Variants in TRIM55 observed in about 807,000 individuals in gnomAD.
TRIM55 encodes the protein tripartite motif-containing protein 55.
A neutral mutation model predicts 60.9 loss-of-function variants in TRIM55; 50 were observed. That is an observed-to-expected ratio of 0.82 (90% CI 0.65 to 1.04). The LOEUF is 1.04. Ranked by LOEUF, TRIM55 falls within the 50% of genes least tolerant of loss-of-function variation. The pLI is 0.00. For missense variants in TRIM55, 681 were observed against 666.9 expected, an observed-to-expected ratio of 1.02 and a Z score of -0.23; for synonymous variants, 237 against 238.1, an observed-to-expected ratio of 1.00 and a Z score of 0.04.
chr8:66,135,188 C>G (rs1396181276), intron 3 of TRIM55, 33 bp downstream of exon 3: 2 of 1,612,332 alleles, frequency 1.2e-6, no homozygotes, highest in Non-Finnish European at 1.7e-6. Context: ...CCCGCAACCC[C>G]TCCCCATCCC....
chr8:66,128,214 G>T (rs773909283), intron 1 of TRIM55, 90 bp from the exon 2 acceptor site: 1 of 1,243,856 alleles, frequency 8.0e-7, no homozygotes, highest in Non-Finnish European at 1.1e-6. Context: ...AGAAGTTCAT[G>T]TTGTTTGTAG....
At chr8:66,115,098 C>T in the TRIM55 span, 1 of 154,736 alleles carries the variant, frequency 6.5e-6, no homozygotes, top group East Asian at 1.9e-4. Context: ...TTGAAGCCAC[C>T]GCGCAGTTCT....
intron 7 of TRIM55, among the ~76,000 whole-genome samples, chr8:66,152,097 C>T (rs1025748924): frequency 6.6e-6 from 1 of 152,024 alleles, no homozygotes; most frequent in African/African-American, 2.4e-5. Context: ...AAAATGTGGA[C>T]GGGCTCTGGA....
At chr8:66,117,447 A>AT in the TRIM55 span, among the ~76,000 whole-genome samples, 3 of 152,176 alleles carry the variant, frequency 2.0e-5, no homozygotes, top group Admixed American at 6.5e-5. Context: ...TTATTTTTAG[A>AT]TTTTTTAAAT....
chr8:66,114,866 A>C, the TRIM55 span: 1 of 313,558 alleles, frequency 3.2e-6, no homozygotes, highest in Admixed American at 4.1e-5. Flanking sequence ...AACTGTGGAG[A>C]ATTAACTAGA....
At position 66,152,567 on chromosome 8, in the gene TRIM55, A is replaced by C. The variant is rs755230379; in HGVS notation, c.1176A>C (p.Pro392=). The change falls in exon 8 of 10, where the codon CCA becomes CCC. Residue 392 remains proline, a synonymous_variant. Coordinates refer to ENST00000315962, the MANE Select transcript of TRIM55 (RefSeq NM_184085.2). ...TGCAGGCTGCCCCTGGGGCACTTCC[A>C]GTTTCCTCTCCAGAGCCACCTCCAG... ...VELQAAPGAL[P]VSSPEPPPAL... 6 of 1,614,152 alleles carry C rather than the reference A, an allele frequency of 3.7e-6. No individual in the cohort carries two copies. The highest frequency in any genetic ancestry group is 5.1e-6 in the Non-Finnish European group (6 of 1,180,036).
At chr8:66,142,488 T>G (rs988595495) in intron 4 of TRIM55, among the ~76,000 whole-genome samples, 1 of 152,234 alleles carries the variant, frequency 6.6e-6, no homozygotes, top group Non-Finnish European at 1.5e-5. Flanking sequence ...GTCTGACAAG[T>G]GGCTTTCACT....
chr8:66,158,143 A>C (rs1354317449), intron 9 of TRIM55, among the ~76,000 whole-genome samples: 2 of 5,384 alleles, frequency 3.7e-4, no homozygotes, highest in East Asian at 7.4e-3. Flanking sequence ...TCTCCCCACC[A>C]CACACACACA....
At chr8:66,123,584 T>C (rs1243574437), upstream of TRIM55, among the ~76,000 whole-genome samples, 1 of 152,086 alleles carries the variant, frequency 6.6e-6, no homozygotes, top group African/African-American at 2.4e-5. Context: ...GAAAGGAAGA[T>C]AGAGATCAGC....
chr8:66,133,922 C>T (rs1809323005), intron 2 of TRIM55, among the ~76,000 whole-genome samples: 2 of 152,102 alleles, frequency 1.3e-5, no homozygotes, highest in African/African-American at 4.8e-5. Flanking sequence ...TATGTATATA[C>T]ACACATACAC....
chr8:66,168,543 G>A (rs1006275334), intron 9 of TRIM55, among the ~76,000 whole-genome samples: 2 of 152,210 alleles, frequency 1.3e-5, no homozygotes, highest in Non-Finnish European at 1.5e-5. Flanking sequence ...ATACTGGGTG[G>A]TTGCCCACTC....
intron 9 of TRIM55, among the ~76,000 whole-genome samples, chr8:66,160,493 A>C (rs537101949): frequency 6.6e-6 from 1 of 152,148 alleles, no homozygotes; most frequent in East Asian, 1.9e-4. Context: ...TGCAAGTGCA[A>C]GTATCTTTTT....
chr8:66,161,171 G>A (rs1332294990), intron 9 of TRIM55, among the ~76,000 whole-genome samples: 1 of 151,756 alleles, frequency 6.6e-6, no homozygotes, highest in Non-Finnish European at 1.5e-5. Flanking sequence ...ATTTAAGATG[G>A]ATTTAAGATC....
At chr8:66,139,612 C>T (rs1586190558) in intron 4 of TRIM55, among the ~76,000 whole-genome samples, 2 of 152,126 alleles carry the variant, frequency 1.3e-5, no homozygotes, top group South Asian at 4.1e-4. Context: ...ATCATTACCC[C>T]CATTCTTATT....
At chr8:66,167,213 T>C (rs1346071663) in intron 9 of TRIM55, among the ~76,000 whole-genome samples, 1 of 152,184 alleles carries the variant, frequency 6.6e-6, no homozygotes, top group East Asian at 1.9e-4. Context: ...TCCTCAAACT[T>C]CCTGAGTCTG....
At chr8:66,128,559 A>C in intron 2 of TRIM55, 83 bp downstream of exon 2, 1 of 1,410,616 alleles carries the variant, frequency 7.1e-7, no homozygotes, top group Non-Finnish European at 9.7e-7. Context: ...GCTACGCTGA[A>C]TGCTTGTTTA....
the TRIM55 span, among the ~76,000 whole-genome samples, chr8:66,119,759 A>G: frequency 2.6e-5 from 4 of 152,264 alleles, no homozygotes; most frequent in South Asian, 6.2e-4. Context: ...ATATTTTTTT[A>G]TATCTCATGT....
At chr8:66,163,574 G>T (rs1020308582) in intron 9 of TRIM55, among the ~76,000 whole-genome samples, 2 of 152,168 alleles carry the variant, frequency 1.3e-5, no homozygotes. Context: ...GATATTTGAA[G>T]ATTTTCAGAT....
At chr8:66,113,435 G>A in the TRIM55 span, 7 of 448,098 alleles carry the variant, frequency 1.6e-5, no homozygotes, top group African/African-American at 6.0e-5. Flanking sequence ...TCCTTAGGTC[G>A]CTGGTTCGAT....
Sources: allele counts gnomAD v4.1 joint callset (sites outside exome capture counted in the v4.1 genomes callset), GRCh38; gene constraint gnomAD v4.1.1; transcripts MANE v1.5; gene names NCBI Gene and HGNC (gene_info 2026-07-23, HGNC 2026-07-21).